INVS: variants seen among roughly 807,000 people sequenced by gnomAD.
INVS encodes the protein inversin, also known as inversion of embryo turning homolog.
In INVS, 86 loss-of-function variants were observed where a neutral mutation model predicts 108.8. That is an observed-to-expected ratio of 0.79 (90% CI 0.66 to 0.95). The LOEUF (loss-of-function observed/expected upper bound fraction) is 0.95. INVS is among the 40% of genes least tolerant of loss of function. The pLI, the probability that INVS is intolerant of heterozygous loss-of-function variation, is 0.00. For missense variants in INVS, 1,169 were observed against 1,297.4 expected, an observed-to-expected ratio of 0.90 and a Z score of 1.52; for synonymous variants, 455 against 473.5, an observed-to-expected ratio of 0.96 and a Z score of 0.51.
At chr9:100,109,747 C>A (rs1564116518) in intron 2 of INVS, among the ~76,000 whole-genome samples, 1 of 152,206 alleles carries the variant, frequency 6.6e-6, no homozygotes, top group Non-Finnish European at 1.5e-5. Context: ...CTCACCACAA[C>A]CTCTGCCTCC....
Position 100,229,880 on chromosome 9 carries a change from G to A in INVS, c.615+53G>A. On this transcript the variant is annotated intron_variant, in intron 5 of 16. Transcript: ENST00000262457. ...AATGGCCTTGAAATTTTTTTATTATGAATTATTTAATATATACAAAAGTGT... is the reference window on the plus strand; with the variant it reads ...AATGGCCTTGAAATTTTTTTATTATAAATTATTTAATATATACAAAAGTGT... The A allele has an allele frequency of 2.6e-6, 4 of 1,540,110 alleles. No homozygotes were observed. In the South Asian group the frequency reaches 4.6e-5, roughly 18 times the overall value.
chr9:100,240,785 G>T (rs980225783), intron 6 of INVS, among the ~76,000 whole-genome samples: 3 of 151,884 alleles, frequency 2.0e-5, no homozygotes, highest in African/African-American at 7.3e-5. Context: ...AAATAATCAG[G>T]TCTTTTTTTT....
Position 100,099,281 on chromosome 9 carries a change from A to AG in INVS, c.-156dup. On this transcript the variant is annotated 5_prime_UTR_variant, in exon 1 of 17. Transcript: ENST00000262457. Reference sequence around the variant, plus strand: ...GCCGAAAGCCTCGGGCGGCCTTTTGAGGGGCTCGGCTAGCTTCAGCGCCGT... The same window carrying AG: ...GCCGAAAGCCTCGGGCGGCCTTTTGAGGGGGCTCGGCTAGCTTCAGCGCCGT... The AG allele has an allele frequency of 6.2e-6, 1 of 161,218 alleles. No homozygotes were observed. Among genetic ancestry groups the AG allele is most frequent in the Non-Finnish European group, 1.4e-5 (1 of 73,026 alleles). 10.0% of individuals were successfully genotyped at this position (161,218 alleles called of 1,614,324 possible). A position where few individuals can be genotyped will look rare whatever the true frequency, so the allele number is the denominator to read the frequency against.
intron 5 of INVS, among the ~76,000 whole-genome samples, chr9:100,234,436 A>T (rs1831613355): frequency 6.6e-6 from 1 of 151,892 alleles, no homozygotes; most frequent in South Asian, 2.1e-4. Flanking sequence ...TTGATTCTCT[A>T]CTTGTTTTAA....
chr9:100,101,612 G>A (rs186447400), intron 1 of INVS: 1 of 152,228 alleles, frequency 6.6e-6, no homozygotes, highest in East Asian at 1.9e-4. Flanking sequence ...GTATTAATAT[G>A]TTCTCTCAAG....
At chr9:100,264,583 A>T (rs1304653569) in intron 10 of INVS, among the ~76,000 whole-genome samples, 3 of 149,866 alleles carry the variant, frequency 2.0e-5, no homozygotes, top group Non-Finnish European at 1.5e-5. Context: ...TCACCATTGC[A>T]CTCCAGCCTG....
chr9:100,291,785 C>T (rs576316171), intron 13 of INVS, among the ~76,000 whole-genome samples: 2 of 152,192 alleles, frequency 1.3e-5, no homozygotes, highest in South Asian at 4.1e-4. Flanking sequence ...AACAAACTTC[C>T]TTGTCATCTC....
chr9:100,236,144 G>A (rs1401362104), intron 5 of INVS, among the ~76,000 whole-genome samples: 4 of 152,006 alleles, frequency 2.6e-5, no homozygotes, highest in Admixed American at 2.0e-4. Context: ...CCACTTGATC[G>A]ATCCGGCTGT....
At chr9:100,258,995 G>C (rs565130303) in intron 10 of INVS, among the ~76,000 whole-genome samples, 5 of 152,354 alleles carry the variant, frequency 3.3e-5, no homozygotes, top group Admixed American at 3.3e-4. Context: ...CTTTTGTTCA[G>C]CTATGTCCTG....
intron 2 of INVS, among the ~76,000 whole-genome samples, chr9:100,104,950 A>T (rs566292509): frequency 6.6e-6 from 1 of 152,308 alleles, no homozygotes; most frequent in East Asian, 1.9e-4. Context: ...TTAACATTTA[A>T]TATATACCCA....
intron 8 of INVS, among the ~76,000 whole-genome samples, chr9:100,247,440 TGTGTACTGTATC>T (rs1832080714): frequency 6.6e-6 from 1 of 152,228 alleles, no homozygotes; most frequent in Non-Finnish European, 1.5e-5. Context: ...GTCTCTTCCT[TGTGTACTGTATC>T]GTACTTACAA....
chr9:100,111,289 A>T (rs980175165), intron 2 of INVS, among the ~76,000 whole-genome samples: 1 of 152,260 alleles, frequency 6.6e-6, no homozygotes, highest in African/African-American at 2.4e-5. Context: ...GACTAGCACA[A>T]CTATAACTGC....
At chr9:100,118,311 C>G (rs572238927) in intron 2 of INVS, among the ~76,000 whole-genome samples, 14 of 151,774 alleles carry the variant, frequency 9.2e-5, no homozygotes, top group African/African-American at 1.7e-4. Context: ...CGGGTTCAAG[C>G]GATTCTCTTG....
chr9:100,276,868 C>T (rs139734755), intron 12 of INVS, among the ~76,000 whole-genome samples: 3 of 152,328 alleles, frequency 2.0e-5, no homozygotes, highest in Non-Finnish European at 2.9e-5. Flanking sequence ...TTCACTTCCA[C>T]TTACATTTCT....
At chr9:100,270,179 A>C (rs935603519) in intron 11 of INVS, among the ~76,000 whole-genome samples, 1 of 152,118 alleles carries the variant, frequency 6.6e-6, no homozygotes, top group Non-Finnish European at 1.5e-5. Context: ...CAAAGTAGTA[A>C]TTTTTGTTTA....
intron 3 of INVS, among the ~76,000 whole-genome samples, chr9:100,149,117 G>C (rs905918675): frequency 7.3e-5 from 11 of 151,346 alleles, no homozygotes; most frequent in Admixed American, 2.6e-4. Context: ...AACATTTTCA[G>C]TGGATACTAC....
chr9:100,186,237 C>T (rs1394689687), intron 3 of INVS, among the ~76,000 whole-genome samples: 2 of 152,122 alleles, frequency 1.3e-5, no homozygotes, highest in Non-Finnish European at 2.9e-5. Context: ...GCATCCTTCA[C>T]CTCCCGGGTT....
At chr9:100,199,085 T>C (rs1327677566) in intron 3 of INVS, among the ~76,000 whole-genome samples, 1 of 152,194 alleles carries the variant, frequency 6.6e-6, no homozygotes. Context: ...TTAATTAAGG[T>C]ACTTGTAGGC....
At position 100,231,025 on chromosome 9, in the gene INVS, A is replaced by G. The variant is rs781623417; in HGVS notation, c.615+1198A>G. ...ATATTTAACTGGTTGTTATAGGTGTATAGGAATGCAGTTGATATTTTTGAT... is the reference window on the plus strand; with the variant it reads ...ATATTTAACTGGTTGTTATAGGTGTGTAGGAATGCAGTTGATATTTTTGAT... On this transcript the variant is annotated intron_variant, in intron 5 of 16. Transcript: ENST00000262457. 3.9e-5 allele frequency among the ~76,000 whole-genome samples: 6 copies of G among 152,330 alleles called. No individual in the cohort carries two copies. The South Asian group carries it at 1.0e-3, about 26-fold the overall frequency.
Sources: allele counts gnomAD v4.1 joint callset (sites outside exome capture counted in the v4.1 genomes callset), GRCh38; gene constraint gnomAD v4.1.1; transcripts MANE v1.5; gene names NCBI Gene and HGNC (gene_info 2026-07-23, HGNC 2026-07-21).